Variants in LATS2 observed in about 807,000 individuals in gnomAD.
LATS2 encodes serine/threonine-protein kinase LATS2.
Under a neutral mutation model 76.0 loss-of-function variants are expected in LATS2, and 24 were observed. The ratio of observed to expected loss-of-function variants is 0.32; its 90% CI spans 0.23 to 0.44. LATS2 has a LOEUF of 0.44. Among genes scored for constraint, LATS2 ranks in the 20% least tolerant of loss-of-function variants. The pLI is 1.00. For missense variants in LATS2, 1,286 were observed against 1,481.2 expected, an observed-to-expected ratio of 0.87 and a Z score of 2.16; for synonymous variants, 692 against 635.4, an observed-to-expected ratio of 1.09 and a Z score of -1.34.
At chr13:21,030,269 A>G (rs140124825) in intron 2 of LATS2, among the ~76,000 whole-genome samples, 5 of 152,016 alleles carry the variant, frequency 3.3e-5, no homozygotes, top group African/African-American at 1.2e-4. Context: ...AATCTACTTA[A>G]ATGTTAATTT....
chr13:21,006,137 C>CA (rs530794099), intron 2 of LATS2, among the ~76,000 whole-genome samples: 10 of 137,650 alleles, frequency 7.3e-5, no homozygotes, highest in East Asian at 4.1e-4. Context: ...AACTGCATCT[C>CA]AAAAAAAAAG....
In LATS2 at chr13:21,010,177, G is replaced by T. The variant is rs564642511; in HGVS notation, c.343-18773C>A. ...ATCGCACCACTGCACTCCAGAGTAG[G>T]CCATGGAGCTAGACTCTGTCAAAAA... On this transcript the variant is annotated intron_variant, in intron 2 of 7. Transcript: ENST00000382592. 6.0e-5 allele frequency among the ~76,000 whole-genome samples: 9 copies of T among 151,014 alleles called. No homozygotes were observed. In the South Asian group the frequency reaches 1.7e-3, roughly 28 times the overall value.
At chr13:20,998,447 G>C (rs959783080) in intron 2 of LATS2, among the ~76,000 whole-genome samples, 1 of 152,238 alleles carries the variant, frequency 6.6e-6, no homozygotes, top group Non-Finnish European at 1.5e-5. Context: ...TTGGCTGGCA[G>C]AGGAGGCTGC....
chr13:20,981,348 T>C, intron 6 of LATS2, 118 bp downstream of exon 6: 1 of 931,474 alleles, frequency 1.1e-6, no homozygotes. Flanking sequence ...CAGGCTTCTA[T>C]GAGGACAAAA....
intron 2 of LATS2, among the ~76,000 whole-genome samples, chr13:21,036,116 G>A (rs548249742): frequency 2.0e-5 from 3 of 152,126 alleles, no homozygotes; most frequent in Admixed American, 1.3e-4. Context: ...GAGTGGTCTC[G>A]AACACCCGAC....
intron 4 of LATS2, among the ~76,000 whole-genome samples, chr13:20,985,950 AGGAGAATCACTTGAACCCGGGAGGC>A (rs1240673429): frequency 6.6e-6 from 1 of 152,146 alleles, no homozygotes; most frequent in Non-Finnish European, 1.5e-5. Context: ...AGGCTGAGGC[AGGAGAATCACTTGAACCCGGGAGGC>A]GGAGGTTGTG....
rs771336625 is a variant in LATS2 at position 21,045,690 on chromosome 13, C to T, written c.337G>A (p.Asp113Asn). ...CTGCAGAGGTCTGTACCCACCTGGTCGCATCCTGCGTTCACCAGTTCCTGC... is the reference window on the plus strand; with the variant it reads ...CTGCAGAGGTCTGTACCCACCTGGTTGCATCCTGCGTTCACCAGTTCCTGC... Reference protein sequence around the residue: ...MLQELVNAGCDQEMAGRALKQ... With the variant: ...MLQELVNAGCNQEMAGRALKQ... The change falls in exon 2 of 8, where the codon GAC (aspartate) becomes AAC (asparagine). Residue 113 changes from aspartate (D) to asparagine (N), a missense_variant. Asp to Asn is a conservative substitution (Grantham distance 23). Coordinates refer to ENST00000382592, the MANE Select transcript of LATS2 (RefSeq NM_014572.3). The T allele has an allele frequency of 5.6e-6, 9 of 1,612,288 alleles. No individual in the cohort carries two copies. The highest frequency in any genetic ancestry group is 7.6e-6 in the Non-Finnish European group (9 of 1,179,034).
At chr13:21,033,373 C>G (rs1368229679) in intron 2 of LATS2, among the ~76,000 whole-genome samples, 5 of 152,016 alleles carry the variant, frequency 3.3e-5, no homozygotes, top group African/African-American at 1.2e-4. Flanking sequence ...TGAGTCCCTG[C>G]TGACTTGGTT....
At position 21,045,520 on chromosome 13, in the gene LATS2, T is replaced by C. The variant is rs554936240; in HGVS notation, c.342+165A>G. Among the ~76,000 whole-genome samples the C allele has an allele frequency of 1.3e-3, 202 of 152,338 alleles. 1 individual carries two copies. Among genetic ancestry groups the C allele is most frequent in the African/African-American group, 4.3e-3 (180 of 41,572 alleles). On this transcript the variant is annotated intron_variant, in intron 2 of 7. Coordinates refer to ENST00000382592, the MANE Select transcript of LATS2 (RefSeq NM_014572.3). ...TAGAGAGAAGGTAGAGAACCTTCAA[T>C]TGTGAGTTCAATTATGTGTTAAAAG... is the stretch of plus-strand genomic sequence containing the variant.
rs1595205658 is a variant in LATS2 at position 20,974,902 on chromosome 13, G to C, written c.3235C>G (p.Gln1079Glu). ...SDLESSDLVDQTEGCQPVYV is the reference protein window; with the variant it reads ...SDLESSDLVDETEGCQPVYV ...TACACAGGCTGGCAGCCTTCAGTCT[G>C]ATCCACCAGATCAGAGCTTTCTAAA... Residue 1079 changes from glutamine to glutamate, a missense_variant, in exon 8 of 8, where the codon CAG becomes GAG. Gln to Glu is a conservative substitution (Grantham distance 29, BLOSUM62 2). Around this residue, in one of 5 missense-constraint regions of LATS2, gnomAD observed 210 missense variants for 234.9 expected, o/e 0.89. Transcript: ENST00000382592. 6.2e-7 allele frequency: 1 copy of C among 1,613,934 alleles called. No individual in the cohort carries two copies. Among genetic ancestry groups the C allele is most frequent in the East Asian group, 2.2e-5 (1 of 44,890 alleles).
intron 2 of LATS2, among the ~76,000 whole-genome samples, chr13:20,998,008 G>A (rs1276055773): frequency 6.6e-6 from 1 of 152,160 alleles, no homozygotes; most frequent in Non-Finnish European, 1.5e-5. Context: ...TAGAAACGGA[G>A]CACTCTGGCC....
chr13:21,045,974 C>T lies in LATS2; in HGVS notation c.53G>A (p.Arg18Gln). ...TAACCCCTCACGAATCTCTTGCAGT[C>T]GCTGCCGGCTATTTCCAGAATAAGT... ...ATTYSGNSRQRLQEIREGLKQ... is the reference protein window; with the variant it reads ...ATTYSGNSRQQLQEIREGLKQ... The change falls in exon 2 of 8, where the codon CGA becomes CAA. Residue 18 changes from arginine to glutamine, a missense_variant. Around this residue, in one of 5 missense-constraint regions of LATS2, gnomAD observed 101 missense variants for 141.4 expected, o/e 0.71. Coordinates refer to ENST00000382592, the MANE Select transcript of LATS2 (RefSeq NM_014572.3). 1.2e-6 allele frequency: 2 copies of T among 1,614,058 alleles called. No homozygotes were observed. Among genetic ancestry groups the T allele is most frequent in the Non-Finnish European group, 1.7e-6 (2 of 1,179,998 alleles).
chr13:21,042,611 T>C (rs1872914221), intron 2 of LATS2, among the ~76,000 whole-genome samples: 2 of 151,906 alleles, frequency 1.3e-5, no homozygotes, highest in Non-Finnish European at 2.9e-5. Flanking sequence ...TGCTTGAGCC[T>C]GGAAGGTCGA....
chr13:20,988,415 C>T lies in LATS2; in HGVS notation c.1365G>A (p.Gln455=), dbSNP rs1870294845. Residue 455 remains glutamine (Q), a synonymous_variant, in exon 4 of 8, where the codon CAG becomes CAA. Transcript: ENST00000382592. ...CGGGGTGCGAGGGCCCCACAGCCGT[C>T]TGCGGCTCCGGCCTCAGCACACGCA... The part of the protein sequence containing the change: ...KSVRVLRPEP[Q]TAVGPSHPAW... 3 of 1,429,504 alleles carry T rather than the reference C, an allele frequency of 2.1e-6. No individual in the cohort carries two copies. The highest frequency in any genetic ancestry group is 2.7e-6 in the Non-Finnish European group (3 of 1,100,794). 88.6% of individuals were successfully genotyped at this position (1,429,504 alleles called of 1,614,324 possible).
rs571041032 is a variant in LATS2, at chr13:21,035,792, A to G, written c.342+9893T>C. On this transcript the variant is annotated intron_variant, in intron 2 of 7. Coordinates refer to ENST00000382592, the MANE Select transcript of LATS2 (RefSeq NM_014572.3). ...CTCCCAAAGGGCTGCAGGGACCAAC[A>G]CCACAGCACGCAAGTAGCCAGTGAT... Among the ~76,000 whole-genome samples the G allele has an allele frequency of 3.3e-5, 5 of 152,318 alleles. No individual in the cohort carries two copies. The South Asian group carries it at 1.0e-3, about 32-fold the overall frequency.
chr13:20,992,093 GC>G (rs1223887112), intron 2 of LATS2, among the ~76,000 whole-genome samples: 1 of 152,228 alleles, frequency 6.6e-6, no homozygotes, highest in African/African-American at 2.4e-5. Context: ...ACAGGAGAAA[GC>G]CTCCTTCCAC....
At chr13:21,018,559 G>A (rs548668532) in intron 2 of LATS2, among the ~76,000 whole-genome samples, 275 of 152,368 alleles carry the variant, frequency 1.8e-3, no homozygotes, top group Admixed American at 4.7e-3. Flanking sequence ...AGCAGGTCCA[G>A]GAAGACTGTG....
intron 7 of LATS2, among the ~76,000 whole-genome samples, 197 bp from the exon 8 acceptor site, chr13:20,975,561 G>A (rs1054446698): frequency 6.6e-6 from 1 of 152,214 alleles, no homozygotes; most frequent in Non-Finnish European, 1.5e-5. Flanking sequence ...ACAGCCTGAG[G>A]CCAGGATGAC....
intron 2 of LATS2, among the ~76,000 whole-genome samples, chr13:21,025,206 C>A: frequency 7.7e-6 from 1 of 130,204 alleles, no homozygotes; most frequent in Non-Finnish European, 1.6e-5. Context: ...ATGGCGAAAC[C>A]CCGTCTCTAC....
Sources: gnomAD v4.1 joint callset for allele counts (sites outside exome capture counted in the v4.1 genomes callset) on GRCh38, gnomAD v4.1.1 for gene constraint, gnomAD v4.1.1 regional missense constraint, MANE v1.5 for transcripts, NCBI Gene and HGNC (gene_info 2026-07-23, HGNC 2026-07-21) for gene names.